The following ANKRD30A variants were observed in gnomAD, a reference collection of about 807,000 sequenced individuals.
ANKRD30A encodes ankyrin repeat domain 30A.
Under a neutral mutation model 166.3 loss-of-function variants are expected in ANKRD30A, and 170 were observed. That is an observed-to-expected ratio of 1.02 (90% CI 0.90 to 1.16). The LOEUF (loss-of-function observed/expected upper bound fraction) is 1.16, where lower values mean the gene tolerates loss of function less well. Among genes scored for constraint, ANKRD30A ranks in the 50% most tolerant of loss-of-function variants. The pLI is 0.00. For synonymous variants in ANKRD30A, 564 were observed against 508.9 expected, an observed-to-expected ratio of 1.11 and a Z score of -1.46; for missense variants, 1,630 against 1,518.0, an observed-to-expected ratio of 1.07 and a Z score of -1.23.
intron 12 of ANKRD30A, 67 bp downstream of exon 12, chr10:37,152,188 C>A: frequency 7.4e-7 from 1 of 1,344,684 alleles, no homozygotes; most frequent in Non-Finnish European, 1.0e-6. Context: ...AAGGCAGAGG[C>A]TTAGGCTTTA....
At chr10:37,258,683 G>T in the ANKRD30A span, among the ~76,000 whole-genome samples, 2 of 150,010 alleles carry the variant, frequency 1.3e-5, no homozygotes, top group East Asian at 3.9e-4. Context: ...TTCTACAATG[G>T]CCATGAGTGG....
Position 37,219,083 on chromosome 10 carries a change from A to G in ANKRD30A, c.3371A>G (p.Gln1124Arg). 2.5e-6 allele frequency: 4 copies of G among 1,608,986 alleles called. No homozygotes were observed. The highest frequency in any genetic ancestry group is 3.4e-6 in the Non-Finnish European group (4 of 1,176,598). Residue 1124 changes from glutamine (Q) to arginine (R), a missense_variant, in exon 34 of 36, where the codon CAA becomes CGA. By Grantham distance (43) the Gln-to-Arg change is conservative (BLOSUM62 1). Transcript: ENST00000361713. ...LKLEIATLKH[Q>R]YQEKENKYFE... ...CTGGAAATAGCCACACTGAAACACC[A>G]ATACCAGGAAAAGGAAAATAAATAC...
chr10:37,166,234 G>A (rs1362220620), intron 18 of ANKRD30A, among the ~76,000 whole-genome samples: 9 of 152,146 alleles, frequency 5.9e-5, no homozygotes, highest in African/African-American at 9.7e-5. Context: ...CAGGCAAGTA[G>A]CAAATGCGTT....
rs376276298 is a variant in ANKRD30A at position 37,134,050 on chromosome 10, A to G, written c.752A>G (p.His251Arg). 5.0e-6 allele frequency: 8 copies of G among 1,613,720 alleles called. No individual in the cohort carries two copies. Among genetic ancestry groups the G allele is most frequent in the Non-Finnish European group, 6.8e-6 (8 of 1,179,862 alleles). The change falls in exon 5 of 36, where the codon CAT (histidine) becomes CGT (arginine). Residue 251 changes from histidine (H) to arginine (R), a missense_variant. By Grantham distance (29) the His-to-Arg change is conservative (BLOSUM62 0). Around this residue, in one of 4 missense-constraint regions of ANKRD30A, gnomAD observed 904 missense variants for 818.5 expected, o/e 1.10. Coordinates refer to ENST00000361713, the MANE Select transcript of ANKRD30A (RefSeq NM_052997.3). Reference protein sequence around the residue: ...AEHYAVTCGFHHIHEQIMEYI... With the variant: ...AEHYAVTCGFRHIHEQIMEYI... ...CATTATGCTGTTACTTGTGGATTTCATCAGTAAGTGTTTACGTTTAGAGGC... is the reference window on the plus strand; with the variant it reads ...CATTATGCTGTTACTTGTGGATTTCGTCAGTAAGTGTTTACGTTTAGAGGC...
At chr10:37,253,633 A>G in the ANKRD30A span, among the ~76,000 whole-genome samples, 12 of 149,140 alleles carry the variant, frequency 8.0e-5, no homozygotes, top group Non-Finnish European at 1.6e-4. Context: ...TTCATTTATT[A>G]TAAGGTTTTC....
intron 11 of ANKRD30A, among the ~76,000 whole-genome samples, chr10:37,151,224 A>G (rs926792317): frequency 6.6e-6 from 1 of 152,134 alleles, no homozygotes; most frequent in Non-Finnish European, 1.5e-5. Flanking sequence ...TGTACTTTGT[A>G]CTGATAAAGA....
At chr10:37,238,646 G>T in the ANKRD30A span, among the ~76,000 whole-genome samples, 2 of 152,068 alleles carry the variant, frequency 1.3e-5, no homozygotes, top group African/African-American at 4.8e-5. Context: ...TTCATAAACA[G>T]GCTATAAAGA....
At chr10:37,130,431 C>T (rs1836314900) in intron 3 of ANKRD30A, 53 bp downstream of exon 3, 2 of 1,341,414 alleles carry the variant, frequency 1.5e-6, no homozygotes, top group African/African-American at 1.5e-5. Flanking sequence ...TTTGTTTTAA[C>T]ATTAACATAT....
chr10:37,225,055 T>TA (rs1363501145), intron 34 of ANKRD30A, among the ~76,000 whole-genome samples: 1 of 151,386 alleles, frequency 6.6e-6, no homozygotes, highest in Non-Finnish European at 1.5e-5. Context: ...TGTTTTATAT[T>TA]AACATATTAG....
chr10:37,156,078 CA>C (rs35340454), intron 13 of ANKRD30A, among the ~76,000 whole-genome samples: 7,341 of 132,044 alleles, frequency 0.056, 214 homozygotes, highest in South Asian at 0.068. Context: ...GATACGCTAT[CA>C]AAAAAAAAAA....
chr10:37,262,861 T>C, the ANKRD30A span, among the ~76,000 whole-genome samples: 1 of 152,162 alleles, frequency 6.6e-6, no homozygotes, highest in Non-Finnish European at 1.5e-5. Context: ...TCCATAATTT[T>C]ATCATCAAGA....
chr10:37,261,240 A>T, the ANKRD30A span, among the ~76,000 whole-genome samples: 5 of 152,280 alleles, frequency 3.3e-5, no homozygotes, highest in African/African-American at 1.2e-4. Context: ...ACATCCTTGA[A>T]AAAACAAGAC....
rs113803723 is a variant in ANKRD30A, at chr10:37,146,484, G to A, written c.1456-886G>A. On this transcript the variant is annotated intron_variant, in intron 8 of 35. Coordinates refer to ENST00000361713, the MANE Select transcript of ANKRD30A (RefSeq NM_052997.3). The stretch of plus-strand genomic sequence containing the variant: ...TCCTCTGGAGGGGGCACCAGCTGCA[G>A]GGAGTCTGTCCCTTGCAGACCCCTG... Among the ~76,000 whole-genome samples the A allele has an allele frequency of 5.7e-3, 860 of 152,078 alleles. 7 individuals are homozygous for A. Among genetic ancestry groups the A allele is most frequent in the Non-Finnish European group, 9.4e-3 (642 of 67,972 alleles).
intron 34 of ANKRD30A, among the ~76,000 whole-genome samples, chr10:37,224,887 T>G (rs1843071874): frequency 6.6e-6 from 1 of 151,622 alleles, no homozygotes; most frequent in Non-Finnish European, 1.5e-5. Flanking sequence ...TTGAATAATC[T>G]TTGTGATAAT....
rs565920058 is a variant in ANKRD30A at position 37,224,910 on chromosome 10, GTTCTT to G, written c.4185+5019_4185+5023del. ...TCTTTGTGATAATTTATGTGTGTGT[GTTCTT>G]TTCTTCTACAGACTGTGGTCAAAAG... On this transcript the variant is annotated intron_variant, in intron 34 of 35. Coordinates refer to ENST00000361713, the MANE Select transcript of ANKRD30A (RefSeq NM_052997.3). Among the ~76,000 whole-genome samples the G allele has an allele frequency of 6.6e-5, 10 of 151,584 alleles. No individual in the cohort carries two copies. The South Asian group carries it at 1.5e-3, about 22-fold the overall frequency.
At chr10:37,220,616 C>T (rs1842856219) in intron 34 of ANKRD30A, among the ~76,000 whole-genome samples, 1 of 151,078 alleles carries the variant, frequency 6.6e-6, no homozygotes, top group Admixed American at 6.6e-5. Flanking sequence ...GATTTAATCA[C>T]CCCACTGGTA....
At position 37,179,201 on chromosome 10, in the gene ANKRD30A, A is replaced by G. The variant is rs1329212435; in HGVS notation, c.2421+2983A>G. On this transcript the variant is annotated intron_variant, in intron 24 of 35. Transcript: ENST00000361713. ...ATTTTATAAAACCTCATTAGTAAAT[A>G]ACATGCTACACGAAACCAGACTAAT... 3.3e-5 allele frequency among the ~76,000 whole-genome samples: 5 copies of G among 150,878 alleles called. 1 individual carries two copies. The highest frequency in any genetic ancestry group is 7.4e-5 in the Non-Finnish European group (5 of 67,412).
intron 13 of ANKRD30A, among the ~76,000 whole-genome samples, chr10:37,155,894 A>G (rs1018905774): frequency 2.0e-5 from 3 of 152,084 alleles, no homozygotes; most frequent in African/African-American, 7.2e-5. Context: ...ATCCTGGCCA[A>G]TACGGTGAAA....
At chr10:37,216,505 G>A in intron 32 of ANKRD30A, 111 bp downstream of exon 32, 6 of 1,059,352 alleles carry the variant, frequency 5.7e-6, no homozygotes, top group South Asian at 3.5e-5. Flanking sequence ...AGAAAAAAAT[G>A]TCTGTCTTGT....
Sources: gnomAD v4.1 joint callset for allele counts (sites outside exome capture counted in the v4.1 genomes callset) on GRCh38, gnomAD v4.1.1 for gene constraint, gnomAD v4.1.1 regional missense constraint, MANE v1.5 for transcripts, NCBI Gene and HGNC (gene_info 2026-07-23, HGNC 2026-07-21) for gene names.